STOX2: variants seen among roughly 807,000 people sequenced by gnomAD.
The protein encoded by STOX2 is storkhead box 2, also known as storkhead-box protein 2.
Under a neutral mutation model 60.9 loss-of-function variants are expected in STOX2, and 28 were observed. The observed-to-expected ratio is 0.46, with a 90% confidence interval of 0.34 to 0.63. The LOEUF (loss-of-function observed/expected upper bound fraction) is 0.63, where lower values mean the gene tolerates loss of function less well. Ranked by LOEUF, STOX2 falls within the 30% of genes least tolerant of loss-of-function variation. STOX2 has a pLI of 0.01. For missense variants in STOX2, 1,024 were observed against 1,187.7 expected, an observed-to-expected ratio of 0.86 and a Z score of 2.03; for synonymous variants, 472 against 463.9, an observed-to-expected ratio of 1.02 and a Z score of -0.22.
intron 1 of STOX2, among the ~76,000 whole-genome samples, chr4:183,884,091 T>G (rs1157314980): frequency 3.3e-5 from 5 of 152,208 alleles, no homozygotes; most frequent in Admixed American, 2.0e-4. Context: ...TGACCTTAGG[T>G]GATCCGCCCC....
intron 1 of STOX2, among the ~76,000 whole-genome samples, chr4:183,893,410 T>C (rs2111185407): frequency 6.6e-6 from 1 of 152,240 alleles, no homozygotes; most frequent in East Asian, 1.9e-4. Context: ...GCGGCCAGCA[T>C]CTTAGCTTGG....
intron 1 of STOX2, among the ~76,000 whole-genome samples, chr4:183,949,501 C>T (rs1743004788): frequency 6.6e-6 from 1 of 152,026 alleles, no homozygotes; most frequent in African/African-American, 2.4e-5. Context: ...AGTTCGAGAC[C>T]AGCCTGGCCA....
At position 183,856,661 on chromosome 4, in the gene STOX2, C is replaced by T. The variant is rs1268787344; in HGVS notation, c.364+58606C>T. Among the ~76,000 whole-genome samples the T allele has an allele frequency of 6.6e-6, 1 of 152,118 alleles. No homozygotes were observed. Among genetic ancestry groups the T allele is most frequent in the Non-Finnish European group, 1.5e-5 (1 of 68,038 alleles). On this transcript the variant is annotated intron_variant, in intron 1 of 2. Transcript: ENST00000513034. The surrounding 1 kb of genome is among the most constrained non-coding windows in gnomAD (Gnocchi z 4.0). The stretch of plus-strand genomic sequence containing the variant: ...GCTTTGCAGTTAGCTGTCTCGGACT[C>T]GGACCCCGGGGGATGATAGCTCCCT...
At chr4:183,835,090 TAAC>T (rs1336559946) in intron 1 of STOX2, among the ~76,000 whole-genome samples, 5 of 151,600 alleles carry the variant, frequency 3.3e-5, no homozygotes, top group Non-Finnish European at 7.4e-5. Flanking sequence ...CTCCTCTTCT[TAAC>T]AATTACGTGA....
At chr4:183,951,005 G>T (rs901579363) in intron 1 of STOX2, among the ~76,000 whole-genome samples, 2 of 152,200 alleles carry the variant, frequency 1.3e-5, no homozygotes, top group South Asian at 2.1e-4. Flanking sequence ...CACGAGGTCA[G>T]GAGATCGAGA....
chr4:183,918,839 C>T (rs113014497), intron 1 of STOX2, among the ~76,000 whole-genome samples: 1 of 152,322 alleles, frequency 6.6e-6, no homozygotes, highest in African/African-American at 2.4e-5. Flanking sequence ...GGATGACGGC[C>T]TGAGCTGGAG....
intron 1 of STOX2, among the ~76,000 whole-genome samples, chr4:183,852,802 G>A (rs1014490219): frequency 2.0e-5 from 3 of 152,222 alleles, no homozygotes; most frequent in Non-Finnish European, 4.4e-5. Flanking sequence ...GTGCGTCAGC[G>A]TAAGTAGTAG....
Position 183,830,299 on chromosome 4 carries a change from C to T in STOX2, c.364+32244C>T, listed in dbSNP as rs552342168. Among the ~76,000 whole-genome samples the T allele has an allele frequency of 2.2e-4, 33 of 152,304 alleles. 1 individual carries two copies. The South Asian group carries it at 3.9e-3, about 18-fold the overall frequency. On this transcript the variant is annotated intron_variant, in intron 1 of 2. Transcript: ENST00000513034. Reference sequence around the variant, plus strand: ...AACTATAATTAAAAGAATTCCCCCTCATTGGCCAAGTGCAAGCACATGGGG... The same window carrying T: ...AACTATAATTAAAAGAATTCCCCCTTATTGGCCAAGTGCAAGCACATGGGG...
At chr4:183,897,570 T>TC (rs1473387303) in intron 1 of STOX2, among the ~76,000 whole-genome samples, 1 of 152,238 alleles carries the variant, frequency 6.6e-6, no homozygotes, top group East Asian at 1.9e-4. Flanking sequence ...ATGAGCAACT[T>TC]TATTCTGAAC....
chr4:183,828,041 A>G (rs1739475910), intron 1 of STOX2, among the ~76,000 whole-genome samples: 1 of 152,206 alleles, frequency 6.6e-6, no homozygotes, highest in Non-Finnish European at 1.5e-5. Context: ...ATTTTTTTAC[A>G]GTTCATTTGT....
chr4:183,920,534 G>A (rs1045069086), intron 1 of STOX2, among the ~76,000 whole-genome samples: 9 of 152,176 alleles, frequency 5.9e-5, no homozygotes, highest in African/African-American at 2.2e-4. Flanking sequence ...AGGGCTCCTT[G>A]CATATTCTAA....
At chr4:183,918,620 A>G (rs1742000057) in intron 1 of STOX2, among the ~76,000 whole-genome samples, 1 of 152,242 alleles carries the variant, frequency 6.6e-6, no homozygotes, top group Non-Finnish European at 1.5e-5. Context: ...AAGTAAAGCC[A>G]GTAGGCTCTC....
Position 184,002,634 on chromosome 4 carries a change from G to A in STOX2, c.319+1157G>A, listed in dbSNP as rs570405940. ...CTTGCGGGATGGCAGAGGCACCAGA[G>A]CACAAGCCCATGGCACGAAGGCTCT... On this transcript the variant is annotated intron_variant, in intron 2 of 3. Transcript: ENST00000308497. 3.9e-5 allele frequency among the ~76,000 whole-genome samples: 6 copies of A among 152,332 alleles called. No individual in the cohort carries two copies. In the East Asian group the frequency reaches 9.7e-4, roughly 25 times the overall value.
intron 1 of STOX2, among the ~76,000 whole-genome samples, chr4:183,983,897 G>A (rs776871585): frequency 3.3e-5 from 5 of 152,100 alleles, no homozygotes; most frequent in Non-Finnish European, 7.4e-5. Context: ...TGATATTCCT[G>A]CCTCCCAAAG....
chr4:183,984,871 T>G (rs958340143), intron 1 of STOX2, among the ~76,000 whole-genome samples: 2 of 152,184 alleles, frequency 1.3e-5, no homozygotes, highest in African/African-American at 4.8e-5. Flanking sequence ...GGAGGAGGAC[T>G]GCTAATGATG....
intron 1 of STOX2, among the ~76,000 whole-genome samples, chr4:183,895,790 G>A (rs555658505): frequency 2.0e-5 from 3 of 152,276 alleles, no homozygotes; most frequent in African/African-American, 4.8e-5. Context: ...GTCGTACACC[G>A]CCAGGGAAGC....
At chr4:184,005,383 C>CA (rs1560935706) in intron 2 of STOX2, among the ~76,000 whole-genome samples, 1 of 149,914 alleles carries the variant, frequency 6.7e-6, no homozygotes, top group East Asian at 2.0e-4. Flanking sequence ...CACTTGAACC[C>CA]GGAGGTGGAG....
intron 1 of STOX2, among the ~76,000 whole-genome samples, chr4:183,985,350 G>A (rs1218925567): frequency 6.6e-6 from 1 of 152,134 alleles, no homozygotes; most frequent in Non-Finnish European, 1.5e-5. Context: ...GAAGTCTGTA[G>A]AACAGCATAC....
intron 1 of STOX2, among the ~76,000 whole-genome samples, chr4:183,935,766 G>T (rs929028816): frequency 6.6e-6 from 1 of 152,192 alleles, no homozygotes. Context: ...TTGTGCCTGG[G>T]ACTAAGGAGT....
Sources: gnomAD v4.1 joint callset for allele counts (sites outside exome capture counted in the v4.1 genomes callset) on GRCh38, gnomAD v4.1.1 for gene constraint, Gnocchi (gnomAD v3.1) non-coding constraint, MANE v1.5 for transcripts, NCBI Gene and HGNC (gene_info 2026-07-23, HGNC 2026-07-21) for gene names.